ZNF469: variants seen among roughly 807,000 people sequenced by gnomAD.
The protein encoded by ZNF469 is zinc finger protein 469.
Under a neutral mutation model 1.0 loss-of-function variants are expected in ZNF469, and 1 was observed. The observed-to-expected ratio is 1.00, with a 90% CI of 0.35 to 4.73. ZNF469 has a LOEUF of 4.73. Among genes scored for constraint, ZNF469 ranks in the 30% most tolerant of loss-of-function variants. The probability of loss-of-function intolerance (pLI) is 0.16; values close to 1 mark genes in which losing one functional copy is unlikely to be tolerated. For synonymous variants in ZNF469, 2,703 were observed against 2,363.4 expected, an observed-to-expected ratio of 1.14 and a Z score of -4.17; for missense variants, 6,100 against 5,356.3, an observed-to-expected ratio of 1.14 and a Z score of -4.33.
chr16:88,309,136 C>T, the ZNF469 span, among the ~76,000 whole-genome samples: 3 of 152,234 alleles, frequency 2.0e-5, no homozygotes, highest in African/African-American at 4.8e-5. Flanking sequence ...TCTCTCATAC[C>T]TGATCCTGCC....
the ZNF469 span, among the ~76,000 whole-genome samples, chr16:88,114,173 C>G: frequency 6.6e-6 from 1 of 151,264 alleles, no homozygotes; most frequent in East Asian, 1.9e-4. Context: ...CTGCGGGGGT[C>G]TCGGGGGAGA....
At chr16:88,287,272 C>T in the ZNF469 span, among the ~76,000 whole-genome samples, 2 of 152,248 alleles carry the variant, frequency 1.3e-5, no homozygotes, top group Non-Finnish European at 2.9e-5. Flanking sequence ...TGTCAACGGA[C>T]ACAGGAGTTT....
At chr16:88,110,731 G>T in the ZNF469 span, among the ~76,000 whole-genome samples, 1 of 152,268 alleles carries the variant, frequency 6.6e-6, no homozygotes, top group Non-Finnish European at 1.5e-5. Context: ...CGAAGGTGGG[G>T]AGGGGAGAAA....
the ZNF469 span, among the ~76,000 whole-genome samples, chr16:88,115,339 T>C: frequency 6.6e-6 from 1 of 151,966 alleles, no homozygotes; most frequent in African/African-American, 2.4e-5. Flanking sequence ...TAAAAAGCTT[T>C]AGGAAGACAA....
At chr16:88,148,909 TCA>T in the ZNF469 span, among the ~76,000 whole-genome samples, 1 of 152,186 alleles carries the variant, frequency 6.6e-6, no homozygotes, top group Non-Finnish European at 1.5e-5. Context: ...TCCTCAGGAC[TCA>T]GACAGTGCCT....
the ZNF469 span, among the ~76,000 whole-genome samples, chr16:88,183,126 G>GT: frequency 1.3e-5 from 2 of 152,342 alleles, no homozygotes; most frequent in East Asian, 3.9e-4. Context: ...AACATCACTA[G>GT]TCATGAGGGA....
chr16:88,111,571 A>G, the ZNF469 span, among the ~76,000 whole-genome samples: 1 of 151,962 alleles, frequency 6.6e-6, no homozygotes, highest in African/African-American at 2.4e-5. Flanking sequence ...TCCACTCTCT[A>G]TATCCATGAG....
the ZNF469 span, among the ~76,000 whole-genome samples, chr16:88,225,435 C>G: frequency 9.0e-3 from 1,365 of 152,252 alleles, 18 homozygotes; most frequent in South Asian, 0.054. Context: ...CCTTTCTAAT[C>G]GCCAGAAGGG....
chr16:88,229,709 G>A, the ZNF469 span, among the ~76,000 whole-genome samples: 1 of 152,184 alleles, frequency 6.6e-6, no homozygotes, highest in African/African-American at 2.4e-5. Flanking sequence ...TCACACGTGT[G>A]TGCTGATGTC....
chr16:88,303,196 G>C, the ZNF469 span, among the ~76,000 whole-genome samples: 1 of 152,174 alleles, frequency 6.6e-6, no homozygotes, highest in Admixed American at 6.5e-5. Context: ...GTCATTGTCG[G>C]AGCAATCCAG....
Position 88,430,486 on chromosome 16 carries a change from G to A in ZNF469, c.3016G>A (p.Ala1006Thr), listed in dbSNP as rs1320571874. The A allele has an allele frequency of 4.2e-6, 6 of 1,423,942 alleles. No individual in the cohort carries two copies. The highest frequency in any genetic ancestry group is 5.5e-6 in the Non-Finnish European group (6 of 1,099,668). The allele number at this position is 1,423,942 out of a possible 1,614,324, so 88.2% of individuals were successfully genotyped here. The change falls in exon 3 of 3, where the codon GCA becomes ACA. Residue 1006 changes from alanine (A) to threonine (T), a missense_variant. Physicochemically the swap from Ala to Thr is moderately conservative, Grantham distance 58. Coordinates refer to ENST00000565624, the MANE Select transcript of ZNF469 (RefSeq NM_001367624.2). ...TAGAACGCAGGCCCCCGGGAGCCGC[G>A]CAGACCCCGCGCCCCGGGTCCCGAG... ...RPRTQAPGSR[A>T]DPAPRVPRAA...
At chr16:88,283,003 C>T in the ZNF469 span, among the ~76,000 whole-genome samples, 1 of 152,198 alleles carries the variant, frequency 6.6e-6, no homozygotes, top group Non-Finnish European at 1.5e-5. Context: ...GCGATTCCCT[C>T]CGGAGTTTGG....
At chr16:88,336,513 G>A in the ZNF469 span, among the ~76,000 whole-genome samples, 1,691 of 104,938 alleles carry the variant, frequency 0.016, 22 homozygotes, top group African/African-American at 0.056. Flanking sequence ...TGCCAATACC[G>A]CGCATGTTCA....
the ZNF469 span, among the ~76,000 whole-genome samples, chr16:88,316,692 G>A: frequency 9.9e-5 from 15 of 151,878 alleles, no homozygotes; most frequent in African/African-American, 2.9e-4. Flanking sequence ...GATTACAGGC[G>A]CCCGCCACCA....
chr16:88,414,249 G>C (rs544915922), intron 1 of ZNF469, among the ~76,000 whole-genome samples: 1 of 152,344 alleles, frequency 6.6e-6, no homozygotes, highest in South Asian at 2.1e-4. Flanking sequence ...CGGGCCTCCA[G>C]GTCGGACACG....
At chr16:88,186,076 T>C in the ZNF469 span, among the ~76,000 whole-genome samples, 1 of 152,236 alleles carries the variant, frequency 6.6e-6, no homozygotes. Context: ...ACCTACACTC[T>C]GAGCTCCCGG....
the ZNF469 span, among the ~76,000 whole-genome samples, chr16:88,267,826 A>C: frequency 3.3e-5 from 5 of 152,106 alleles, no homozygotes; most frequent in Admixed American, 3.3e-4. Context: ...ATGAGTGTCC[A>C]GTAGGTTTCA....
chr16:88,138,028 A>G, the ZNF469 span, among the ~76,000 whole-genome samples: 6 of 152,108 alleles, frequency 3.9e-5, no homozygotes. Context: ...GGAGCATTCC[A>G]CCACTCCCGG....
the ZNF469 span, among the ~76,000 whole-genome samples, chr16:88,341,205 A>G: frequency 0.22 from 33,883 of 152,184 alleles, 4,827 homozygotes; most frequent in African/African-American, 0.41. Flanking sequence ...CACAGGCTGG[A>G]CAACACCAGG....
Sources: allele counts gnomAD v4.1 joint callset (sites outside exome capture counted in the v4.1 genomes callset), GRCh38; gene constraint gnomAD v4.1.1; transcripts MANE v1.5; gene names NCBI Gene and HGNC (gene_info 2026-07-23, HGNC 2026-07-21).